Variants in NTM observed in about 807,000 individuals in gnomAD.
NTM encodes the protein IgLON family member 2.
Under a neutral mutation model 42.1 loss-of-function variants are expected in NTM, and 13 were observed. That is an observed-to-expected ratio of 0.31 (90% CI 0.20 to 0.49). The LOEUF is 0.49. Among genes scored for constraint, NTM ranks in the 20% least tolerant of loss-of-function variants. The pLI is 0.99. For synonymous variants in NTM, 187 were observed against 179.2 expected, an observed-to-expected ratio of 1.04 and a Z score of -0.35; for missense variants, 373 against 452.8, an observed-to-expected ratio of 0.82 and a Z score of 1.60.
At chr11:132,224,297 C>T (rs1313438888) in intron 4 of NTM, among the ~76,000 whole-genome samples, 1 of 152,100 alleles carries the variant, frequency 6.6e-6, no homozygotes, top group African/African-American at 2.4e-5. Context: ...TGCCTGAAGG[C>T]TGATGGTCTC....
At chr11:131,656,240 C>T (rs770723115) in intron 1 of NTM, among the ~76,000 whole-genome samples, 1 of 152,322 alleles carries the variant, frequency 6.6e-6, no homozygotes, top group East Asian at 1.9e-4. Context: ...GTAAGAGATT[C>T]GTCTCCATAC....
At chr11:131,593,855 T>C (rs746479245) in intron 1 of NTM, among the ~76,000 whole-genome samples, 9 of 152,240 alleles carry the variant, frequency 5.9e-5, no homozygotes, top group Non-Finnish European at 1.2e-4. Context: ...CTGTCTTCTG[T>C]CTGCTACTAG....
intron 4 of NTM, among the ~76,000 whole-genome samples, chr11:132,283,261 A>G (rs994601072): frequency 2.6e-5 from 4 of 152,152 alleles, no homozygotes; most frequent in African/African-American, 9.7e-5. Flanking sequence ...CTGGGATTAT[A>G]GGCATGAGCC....
intron 1 of NTM, among the ~76,000 whole-genome samples, chr11:131,568,347 C>G (rs1173604761): frequency 6.6e-6 from 1 of 152,174 alleles, no homozygotes; most frequent in Non-Finnish European, 1.5e-5. Context: ...ACTCACTGAC[C>G]TGTTAACCTT....
At chr11:131,582,617 C>T (rs12269938) in intron 1 of NTM, among the ~76,000 whole-genome samples, 48,666 of 151,360 alleles carry the variant, frequency 0.32, 9,109 homozygotes, top group East Asian at 0.45. Context: ...ATATTATTTA[C>T]TCCTGCATCG....
intron 1 of NTM, among the ~76,000 whole-genome samples, chr11:131,614,868 CCAG>C (rs1488917730): frequency 6.6e-6 from 1 of 152,194 alleles, no homozygotes; most frequent in African/African-American, 2.4e-5. Context: ...CCTCACGTGA[CCAG>C]CAGCACTGGC....
At chr11:131,581,080 G>A (rs959762479) in intron 1 of NTM, among the ~76,000 whole-genome samples, 3 of 152,218 alleles carry the variant, frequency 2.0e-5, no homozygotes, top group African/African-American at 7.2e-5. Context: ...CTCATCTTCA[G>A]AGAGAGTATT....
In NTM at chr11:132,034,350, C is replaced by T. The variant is rs77682735; in HGVS notation, c.168-111932C>T. On this transcript the variant is annotated intron_variant, in intron 2 of 8. Coordinates refer to ENST00000683400, the MANE Select transcript of NTM (RefSeq NM_001352005.2). ...CTACCCGTCCTGGATTGCCTCACCA[C>T]GATTTGCTTCACCCGTCTCAGGGGT... Among the ~76,000 whole-genome samples the T allele has an allele frequency of 4.3e-3, 648 of 152,332 alleles. 3 individuals carry two copies. The highest frequency in any genetic ancestry group is 0.01 in the Admixed American group (154 of 15,304).
At chr11:131,983,594 T>C (rs2065615480) in intron 2 of NTM, among the ~76,000 whole-genome samples, 1 of 152,126 alleles carries the variant, frequency 6.6e-6, no homozygotes, top group African/African-American at 2.4e-5. Flanking sequence ...TGGGCTAGTC[T>C]TGAACTCCTG....
intron 1 of NTM, among the ~76,000 whole-genome samples, chr11:131,463,413 C>A (rs572632314): frequency 3.3e-5 from 5 of 152,340 alleles, no homozygotes; most frequent in Admixed American, 2.0e-4. Context: ...CTGAGCCAAA[C>A]GCTTGACTGC....
chr11:132,088,157 T>C (rs9783313), intron 2 of NTM, among the ~76,000 whole-genome samples: 19,639 of 152,154 alleles, frequency 0.13, 1,414 homozygotes, highest in African/African-American at 0.2. Flanking sequence ...AGATAAATGC[T>C]GTTACAGTAC....
intron 1 of NTM, among the ~76,000 whole-genome samples, chr11:131,378,316 A>G (rs1471122831): frequency 3.3e-5 from 5 of 152,210 alleles, no homozygotes; most frequent in African/African-American, 4.8e-5. Context: ...AGAGATTTTC[A>G]AGTCTCATTC....
chr11:131,569,193 G>A (rs1408682747), intron 1 of NTM, among the ~76,000 whole-genome samples: 1 of 149,396 alleles, frequency 6.7e-6, no homozygotes, highest in Non-Finnish European at 1.5e-5. Flanking sequence ...CACCCAGGCT[G>A]GTGTGCAATG....
chr11:131,532,168 T>A (rs972966522), intron 1 of NTM, among the ~76,000 whole-genome samples: 2 of 152,102 alleles, frequency 1.3e-5, no homozygotes, highest in Non-Finnish European at 2.9e-5. Flanking sequence ...ATTACAACCA[T>A]CTCCAGAATT....
At chr11:131,763,861 C>A (rs924062570) in intron 1 of NTM, among the ~76,000 whole-genome samples, 2 of 151,614 alleles carry the variant, frequency 1.3e-5, no homozygotes, top group Non-Finnish European at 2.9e-5. Context: ...TCAGCTTTAG[C>A]CTTCAATGTT....
chr11:132,109,024 G>T (rs2062810673), intron 2 of NTM, among the ~76,000 whole-genome samples: 2 of 152,186 alleles, frequency 1.3e-5, no homozygotes, highest in African/African-American at 4.8e-5. Flanking sequence ...TTTCTCCAAA[G>T]GACATGAACT....
chr11:132,262,922 G>A (rs2092954386), intron 4 of NTM, among the ~76,000 whole-genome samples: 1 of 152,160 alleles, frequency 6.6e-6, no homozygotes, highest in African/African-American at 2.4e-5. Flanking sequence ...GGGAAAACAA[G>A]TTATGTATTT....
intron 1 of NTM, among the ~76,000 whole-genome samples, chr11:131,519,018 T>C (rs2049252080): frequency 6.6e-6 from 1 of 152,232 alleles, no homozygotes; most frequent in African/African-American, 2.4e-5. Flanking sequence ...ATAATGCCTT[T>C]AGTAGAGACT....
chr11:131,956,253 AGGGAGAAGCT>A (rs1227350780), intron 2 of NTM, among the ~76,000 whole-genome samples: 2 of 152,174 alleles, frequency 1.3e-5, no homozygotes, highest in Non-Finnish European at 2.9e-5. Context: ...TCTGAATGGC[AGGGAGAAGCT>A]GGGTGCCCCC....
Sources: gnomAD v4.1 joint callset for allele counts (sites outside exome capture counted in the v4.1 genomes callset) on GRCh38, gnomAD v4.1.1 for gene constraint, MANE v1.5 for transcripts, NCBI Gene and HGNC (gene_info 2026-07-23, HGNC 2026-07-21) for gene names.